Variants in BRCA1 observed in about 807,000 individuals in gnomAD.
BRCA1 encodes BRCA1 DNA repair associated.
In BRCA1, 140 loss-of-function variants were observed where a neutral mutation model predicts 173.7. The ratio of observed to expected loss-of-function variants is 0.81; its 90% CI spans 0.70 to 0.93. The LOEUF is 0.93. BRCA1 is among the 40% of genes least tolerant of loss of function. The probability of loss-of-function intolerance (pLI) is 0.00; values close to 1 mark genes in which losing one functional copy is unlikely to be tolerated. For synonymous variants in BRCA1, 662 were observed against 756.0 expected (o/e 0.88, Z 2.04); for missense variants, 1,983 against 2,172.5 (o/e 0.91, Z 1.73).
At chr17:43,128,832 T>C (rs575804328), upstream of BRCA1, among the ~76,000 whole-genome samples, 5 of 151,740 alleles carry the variant, frequency 3.3e-5, no homozygotes, top group South Asian at 2.1e-4. Context: ...TTTTTTTTTT[T>C]CGAGACAAAG....
At chr17:43,166,333 G>A (rs908836068) in intron 1 of BRCA1, 4 of 152,330 alleles carry the variant, frequency 2.6e-5, no homozygotes, top group Admixed American at 2.0e-4. Context: ...GTTGGGGGTG[G>A]GGGGTCTAAA....
chr17:43,121,636 T>C (rs2055578261), intron 2 of BRCA1, among the ~76,000 whole-genome samples: 2 of 141,188 alleles, frequency 1.4e-5, no homozygotes, highest in African/African-American at 2.6e-5. Context: ...TGAGCCGAGA[T>C]TGTGCCACTG....
chr17:43,045,936 T>G (rs1255730441), intron 22 of BRCA1, 134 bp from the exon 23 acceptor site: 4 of 1,242,244 alleles, frequency 3.2e-6, no homozygotes, highest in East Asian at 4.9e-5. Context: ...TTTTTTTTTT[T>G]TTTTGAGACG....
Position 43,051,084 on chromosome 17 carries a change from GC to G in BRCA1, c.5310del (p.Phe1772SerfsTer21), listed in dbSNP as rs80357581. The G allele has an allele frequency of 6.2e-7, 1 of 1,614,072 alleles. No individual in the cohort carries two copies. Among genetic ancestry groups the G allele is most frequent in the Middle Eastern group, 1.6e-4 (1 of 6,062 alleles). The part of the protein sequence containing the change: ...IFRGLEICCY[G>X]PFTNMPTDQL... The stretch of plus-strand genomic sequence containing the variant: ...TTACCTGTGGGCATGTTGGTGAAGG[GC>G]CCATAGCAACAGATTTCTAGCCCCC... On this transcript the variant is annotated frameshift_variant, in exon 20 of 23. Transcript: ENST00000357654. LOFTEE classifies it high-confidence loss of function.
intron 11 of BRCA1, among the ~76,000 whole-genome samples, chr17:43,090,713 T>C (rs981826338): frequency 1.3e-5 from 2 of 152,182 alleles, no homozygotes; most frequent in African/African-American, 4.8e-5. Flanking sequence ...TACAATGAGC[T>C]AGGCAGTGTA....
rs1228111182 is a variant in BRCA1, at chr17:43,142,950, A to ATATGTG, written c.-19-18836_-19-18835insCACATA. Among the ~76,000 whole-genome samples, 765 of 134,642 alleles carry ATATGTG rather than the reference A, an allele frequency of 5.7e-3. 9 individuals are homozygous for ATATGTG. Among genetic ancestry groups the ATATGTG allele is most frequent in the African/African-American group, 0.019 (721 of 37,490 alleles). 88.3% of individuals were successfully genotyped at this position (134,642 alleles called of 152,430 possible). ...TGTGTGTGTGTGTGTGTATATATAT[A>ATATGTG]TGTGTGTGTGTGTGTGTATATATAT... On this transcript the variant is annotated intron_variant, in intron 1 of 7. Coordinates refer to the BRCA1 transcript ENST00000634433.
chr17:43,079,354 C>T (rs762068981), intron 12 of BRCA1: 2 of 1,596,942 alleles, frequency 1.3e-6, no homozygotes, highest in Non-Finnish European at 8.5e-7. Flanking sequence ...TTCTCTAGGC[C>T]TTTTAGAAAA....
chr17:43,095,664 C>A (rs1486099445), intron 9 of BRCA1, among the ~76,000 whole-genome samples, 182 bp downstream of exon 9: 1 of 152,004 alleles, frequency 6.6e-6, no homozygotes, highest in Non-Finnish European at 1.5e-5. Context: ...GTACATTAGT[C>A]TAGTACCATT....
intron 6 of BRCA1, among the ~76,000 whole-genome samples, chr17:43,103,904 C>T (rs8176136): frequency 1.3e-5 from 2 of 151,736 alleles, no homozygotes; most frequent in East Asian, 1.9e-4. Context: ...GTTAGGAGTT[C>T]GAGACCAGCC....
intron 3 of BRCA1, among the ~76,000 whole-genome samples, chr17:43,111,379 G>A (rs566820747): frequency 2.4e-4 from 37 of 152,004 alleles, no homozygotes; most frequent in Admixed American, 2.1e-3. Flanking sequence ...AATTAGCCAG[G>A]TGTGGTGGCA....
intron 12 of BRCA1, among the ~76,000 whole-genome samples, chr17:43,077,945 C>T (rs935295009): frequency 3.3e-5 from 5 of 149,762 alleles, no homozygotes; most frequent in African/African-American, 9.8e-5. Context: ...ATGTTGGTCA[C>T]GCTGGTCTCG....
chr17:43,094,999 G>A (rs1350750007), intron 9 of BRCA1, 139 bp from the exon 10 acceptor site: 3 of 710,584 alleles, frequency 4.2e-6, no homozygotes, highest in Non-Finnish European at 7.1e-6. Context: ...CAAGTATACT[G>A]AAGATGTAGC....
rs28897677 is a variant in BRCA1 at position 43,094,044 on chromosome 17, C to G, written c.1487G>C (p.Arg496Pro). The G allele has an allele frequency of 6.2e-7, 1 of 1,613,942 alleles. No individual in the cohort carries two copies. Among genetic ancestry groups the G allele is most frequent in the Non-Finnish European group, 8.5e-7 (1 of 1,179,938 alleles). Residue 496 changes from arginine (R) to proline (P), a missense_variant, in exon 10 of 23, where the codon CGT (arginine) becomes CCT (proline). Coordinates refer to ENST00000357654, the MANE Select transcript of BRCA1 (RefSeq NM_007294.4). ...ACGCTTTAATTTATTTGTGAGGGGA[C>G]GCTCTTGTATTATCTGTGGCTCAGT... The part of the protein sequence containing the change: ...FVTEPQIIQE[R>P]PLTNKLKRKR...
chr17:43,161,170 T>G (rs1203192872), intron 1 of BRCA1: 1 of 152,256 alleles, frequency 6.6e-6, no homozygotes, highest in Non-Finnish European at 1.5e-5. Flanking sequence ...TCTATTTTGA[T>G]AGATAGCATT....
chr17:43,079,353 C>T lies in BRCA1; in HGVS notation c.4358-2739G>A, dbSNP rs1006230499. ...AGGCACCTGATATATGTTCTCTAGG[C>T]CTTTTAGAAAACATGGAGTTGTTCC... On this transcript the variant is annotated intron_variant, in intron 12 of 22. Transcript: ENST00000357654. The T allele has an allele frequency of 3.1e-6, 5 of 1,596,658 alleles. No homozygotes were observed. The highest frequency in any genetic ancestry group is 4.2e-6 in the Non-Finnish European group (5 of 1,178,684).
At chr17:43,120,590 C>A (rs2055501263) in intron 2 of BRCA1, among the ~76,000 whole-genome samples, 1 of 151,538 alleles carries the variant, frequency 6.6e-6, no homozygotes, top group South Asian at 2.1e-4. Flanking sequence ...ACGGTGAAAC[C>A]CCGTCTCTAC....
In BRCA1 at chr17:43,092,541, T is replaced by C. The variant is rs1597866298; in HGVS notation, c.2990A>G (p.Asn997Ser). 6.2e-7 allele frequency: 1 copy of C among 1,614,084 alleles called. No individual in the cohort carries two copies. The highest frequency in any genetic ancestry group is 1.1e-5 in the South Asian group (1 of 91,076). Residue 997 changes from asparagine (N) to serine (S), a missense_variant, in exon 10 of 23, where the codon AAT becomes AGT. By Grantham distance (46) the Asn-to-Ser change is conservative. Transcript: ENST00000357654. Reference protein sequence around the residue: ...KSFVKTKCKKNLLEENFEEHS... With the variant: ...KSFVKTKCKKSLLEENFEEHS... Reference sequence around the variant, plus strand: ...TTCCTCAAAGTTTTCCTCTAGCAGATTTTTCTTACATTTAGTTTTAACAAA... The same window carrying C: ...TTCCTCAAAGTTTTCCTCTAGCAGACTTTTCTTACATTTAGTTTTAACAAA...
At chr17:43,048,518 C>CTT (rs781716310) in intron 21 of BRCA1, among the ~76,000 whole-genome samples, 6 of 140,246 alleles carry the variant, frequency 4.3e-5, no homozygotes, top group East Asian at 4.4e-4. Context: ...CTCTCTCTCT[C>CTT]TTTTTTTTTT....
intron 1 of BRCA1, among the ~76,000 whole-genome samples, chr17:43,165,362 A>G (rs769044165): frequency 6.6e-6 from 1 of 152,190 alleles, no homozygotes; most frequent in African/African-American, 2.4e-5. Flanking sequence ...ACTTGCTTAA[A>G]TCTTCAAAAC....
Sources: allele counts gnomAD v4.1 joint callset (sites outside exome capture counted in the v4.1 genomes callset), GRCh38; gene constraint gnomAD v4.1.1; transcripts MANE v1.5; gene names NCBI Gene and HGNC (gene_info 2026-07-23, HGNC 2026-07-21).